TMEM217: variants seen among roughly 807,000 people sequenced by gnomAD.
The protein encoded by TMEM217 is chromosome 6 open reading frame 128.
For missense variants in TMEM217, 204 were observed against 248.8 expected (o/e 0.82, Z 1.21); for synonymous variants, 76 against 88.3 (o/e 0.86, Z 0.78).
Position 37,229,622 on chromosome 6 carries a change from G to A in TMEM217, c.-11-10581C>T, listed in dbSNP as rs1253640091. On this transcript the variant is annotated intron_variant, in intron 1 of 1. Transcript: ENST00000357219. ...CTCCCAAAGTGCTGGGATTACAGGC[G>A]TGAGCCACCGCGCCGGCCAATGTGC... 7.2e-5 allele frequency among the ~76,000 whole-genome samples: 11 copies of A among 152,228 alleles called. No individual in the cohort carries two copies. In the East Asian group the frequency reaches 1.9e-3, roughly 27 times the overall value.
intron 1 of TMEM217, among the ~76,000 whole-genome samples, chr6:37,253,542 A>G (rs751885610): frequency 1.3e-5 from 2 of 152,116 alleles, no homozygotes; most frequent in African/African-American, 2.4e-5. Context: ...GGTTGTTTAG[A>G]TACTATAAAG....
At chr6:37,245,491 C>A (rs931335188) in intron 1 of TMEM217, among the ~76,000 whole-genome samples, 4 of 152,208 alleles carry the variant, frequency 2.6e-5, no homozygotes, top group Non-Finnish European at 4.4e-5. Flanking sequence ...ATTAGCAGAG[C>A]CCACAACATG....
intron 1 of TMEM217, among the ~76,000 whole-genome samples, chr6:37,252,395 C>A (rs940069304): frequency 1.3e-5 from 2 of 151,748 alleles, no homozygotes; most frequent in African/African-American, 4.8e-5. Context: ...GCTGGCAAAG[C>A]CTAAAAATAT....
exon 2 of TMEM217, chr6:37,218,297 T>G: frequency 8.5e-7 from 1 of 1,170,832 alleles, no homozygotes; most frequent in Non-Finnish European, 1.2e-6. Flanking sequence ...GCCTCTCAAG[T>G]GGCTGGGATT....
intron 1 of TMEM217, among the ~76,000 whole-genome samples, chr6:37,250,316 G>A (rs902825105): frequency 1.3e-5 from 2 of 151,992 alleles, no homozygotes; most frequent in African/African-American, 4.8e-5. Context: ...TAAGGTATTG[G>A]TAATATCCTG....
chr6:37,215,570 CA>C (rs34808595), downstream of TMEM217, among the ~76,000 whole-genome samples: 225 of 72,366 alleles, frequency 3.1e-3, 2 homozygotes, highest in African/African-American at 6.9e-3. Flanking sequence ...GACTCTGTCT[CA>C]AAAAAAAAAA....
At position 37,243,040 on chromosome 6, in the gene TMEM217, G is replaced by A. The variant is rs138787824; in HGVS notation, c.-12+14528C>T. Among the ~76,000 whole-genome samples, 100 of 152,210 alleles carry A rather than the reference G, an allele frequency of 6.6e-4. 3 individuals are homozygous for A. The East Asian group carries it at 0.019, about 29-fold the overall frequency. On this transcript the variant is annotated intron_variant, in intron 1 of 1. Coordinates refer to ENST00000357219, the Ensembl canonical transcript of TMEM217. ...GTTTCTGGCAAAGTTGAATGGGATCGCCATAACTTGTTTAGGTAAATTATG... is the reference window on the plus strand; with the variant it reads ...GTTTCTGGCAAAGTTGAATGGGATCACCATAACTTGTTTAGGTAAATTATG...
chr6:37,247,450 C>T (rs892741801), intron 1 of TMEM217, among the ~76,000 whole-genome samples: 4 of 148,930 alleles, frequency 2.7e-5, no homozygotes, highest in African/African-American at 7.4e-5. Context: ...TGCGGTGACG[C>T]GACCTCAGCT....
At chr6:37,243,857 T>C (rs1283969976) in intron 1 of TMEM217, among the ~76,000 whole-genome samples, 1 of 152,180 alleles carries the variant, frequency 6.6e-6, no homozygotes, top group Non-Finnish European at 1.5e-5. Context: ...GGAAAACTCC[T>C]TGTGTGCTGA....
chr6:37,237,851 A>G (rs56222403), intron 1 of TMEM217, among the ~76,000 whole-genome samples: 10,359 of 152,190 alleles, frequency 0.068, 1,148 homozygotes, highest in African/African-American at 0.23. Flanking sequence ...AGGACTTTAT[A>G]TAGATGCAAG....
intron 1 of TMEM217, among the ~76,000 whole-genome samples, chr6:37,253,698 C>T (rs1765574154): frequency 6.6e-6 from 1 of 152,162 alleles, no homozygotes. Context: ...CACTCCACTC[C>T]TTCACTAAGG....
chr6:37,223,360 A>T (rs1190608317), intron 1 of TMEM217, among the ~76,000 whole-genome samples: 1 of 152,248 alleles, frequency 6.6e-6, no homozygotes, highest in African/African-American at 2.4e-5. Flanking sequence ...AAATCTCAAA[A>T]GCAGCCAATG....
At chr6:37,212,682 G>A (rs529528022), downstream of TMEM217, 211 of 605,576 alleles carry the variant, frequency 3.5e-4, 1 homozygote, top group Admixed American at 1.7e-3. Context: ...TGATGAGCTC[G>A]TAAGTGATGA....
At chr6:37,224,372 G>A (rs1763696284) in intron 1 of TMEM217, among the ~76,000 whole-genome samples, 1 of 151,502 alleles carries the variant, frequency 6.6e-6, no homozygotes, top group Admixed American at 6.6e-5. Flanking sequence ...GCTGAGGTGG[G>A]CGGATCATGA....
chr6:37,242,544 G>T (rs535708725), intron 1 of TMEM217, among the ~76,000 whole-genome samples: 136 of 152,292 alleles, frequency 8.9e-4, no homozygotes, highest in African/African-American at 3.1e-3. Context: ...CTTTGGTGGT[G>T]AATCAGCTGA....
downstream of TMEM217, among the ~76,000 whole-genome samples, chr6:37,215,454 T>C (rs1763133875): frequency 6.6e-6 from 1 of 151,714 alleles, no homozygotes; most frequent in Admixed American, 6.6e-5. Context: ...ACGCGCCAAC[T>C]ACCTGGGAGG....
intron 1 of TMEM217, among the ~76,000 whole-genome samples, chr6:37,233,222 CA>C (rs1764304176): frequency 6.6e-6 from 1 of 152,102 alleles, no homozygotes; most frequent in Non-Finnish European, 1.5e-5. Flanking sequence ...CCCATTTCCC[CA>C]TGTACCTTCC....
chr6:37,257,673 C>T (rs1011718457), exon 1 of TMEM217: 4 of 526,970 alleles, frequency 7.6e-6, no homozygotes, highest in African/African-American at 6.0e-5. Context: ...CGTTACCGGT[C>T]GGCTTCAGCG....
At chr6:37,245,448 C>G (rs777294655) in intron 1 of TMEM217, among the ~76,000 whole-genome samples, 3 of 152,246 alleles carry the variant, frequency 2.0e-5, no homozygotes, top group Non-Finnish European at 4.4e-5. Context: ...TCACAAACTC[C>G]TCCCGATTCG....
Sources: allele counts gnomAD v4.1 joint callset (sites outside exome capture counted in the v4.1 genomes callset), GRCh38; gene constraint gnomAD v4.1.1; transcripts MANE v1.5; gene names NCBI Gene and HGNC (gene_info 2026-07-23, HGNC 2026-07-21).